The following TNIK variants were observed in gnomAD, a reference collection of about 807,000 sequenced individuals.
TNIK encodes the protein TRAF2 and NCK interacting kinase.
A neutral mutation model predicts 191.3 loss-of-function variants in TNIK; 49 were observed. The ratio of observed to expected loss-of-function variants is 0.26; its 90% CI spans 0.20 to 0.32. TNIK has a LOEUF of 0.32. TNIK is among the 10% of genes least tolerant of loss of function. The pLI is 1.00. For synonymous variants in TNIK, 594 were observed against 600.9 expected (o/e 0.99, Z 0.17); for missense variants, 1,155 against 1,702.3 (o/e 0.68, Z 5.66).
At position 171,247,768 on chromosome 3, in the gene TNIK, G is replaced by A. The variant is rs561142584; in HGVS notation, c.124-19547C>T. ...AAAGGAGGGTATGGTCAGAGCCAGT[G>A]CTACAGAAGACCAAGTGAAATAAAG... On this transcript the variant is annotated intron_variant, in intron 2 of 32. Coordinates refer to ENST00000436636, the MANE Select transcript of TNIK (RefSeq NM_015028.4). 3.9e-5 allele frequency among the ~76,000 whole-genome samples: 6 copies of A among 152,346 alleles called. No homozygotes were observed. The South Asian group carries it at 1.2e-3, about 32-fold the overall frequency.
At position 171,245,083 on chromosome 3, in the gene TNIK, G is replaced by A. The variant is rs952760649; in HGVS notation, c.124-16862C>T. ...AATACAGTATTAAAGCAAATGATTG[G>A]AAAAAAGAAGACTGAATAAAGGATG... On this transcript the variant is annotated intron_variant, in intron 2 of 32. Coordinates refer to ENST00000436636, the MANE Select transcript of TNIK (RefSeq NM_015028.4). Among the ~76,000 whole-genome samples, 3 of 152,016 alleles carry A rather than the reference G, an allele frequency of 2.0e-5. 1 individual carries two copies. In the South Asian group the frequency reaches 6.2e-4, roughly 31 times the overall value.
At chr3:171,328,188 G>A (rs1403961927) in intron 2 of TNIK, among the ~76,000 whole-genome samples, 1 of 151,794 alleles carries the variant, frequency 6.6e-6, no homozygotes, top group African/African-American at 2.4e-5. Flanking sequence ...TCCCAGAGAA[G>A]CCATTACCCT....
chr3:171,236,607 C>T (rs1402428786), intron 2 of TNIK, among the ~76,000 whole-genome samples: 1 of 152,148 alleles, frequency 6.6e-6, no homozygotes, highest in South Asian at 2.1e-4. Flanking sequence ...CCTCTTTTCC[C>T]GAGCTGGTAC....
intron 1 of TNIK, among the ~76,000 whole-genome samples, chr3:171,390,048 A>C (rs1441298026): frequency 6.6e-6 from 1 of 152,184 alleles, no homozygotes; most frequent in Non-Finnish European, 1.5e-5. Flanking sequence ...GGTGGTCCTG[A>C]CTACCAAAGT....
intron 2 of TNIK, among the ~76,000 whole-genome samples, chr3:171,325,099 A>AAAATAAATAAAT (rs375566849): frequency 4.6e-5 from 7 of 151,268 alleles, no homozygotes; most frequent in African/African-American, 1.7e-4. Flanking sequence ...AGACTGTCTC[A>AAAATAAATAAAT]AAATAAATAA....
chr3:171,212,371 C>CA (rs1740941711), intron 3 of TNIK, among the ~76,000 whole-genome samples: 1 of 151,862 alleles, frequency 6.6e-6, no homozygotes, highest in Non-Finnish European at 1.5e-5. Context: ...CAAGTCCCCC[C>CA]ACTGCATCTG....
At chr3:171,283,257 C>T (rs1577346567) in intron 2 of TNIK, among the ~76,000 whole-genome samples, 1 of 151,652 alleles carries the variant, frequency 6.6e-6, no homozygotes, top group Non-Finnish European at 1.5e-5. Context: ...ACATACAGTT[C>T]TCTGAAATGT....
chr3:171,312,470 A>C (rs547028447), intron 2 of TNIK, among the ~76,000 whole-genome samples: 2 of 152,212 alleles, frequency 1.3e-5, no homozygotes, highest in East Asian at 1.9e-4. Flanking sequence ...GTCTCAGATA[A>C]TTGAAGTAAT....
At chr3:171,180,271 C>T (rs537340268) in intron 7 of TNIK, among the ~76,000 whole-genome samples, 2 of 152,178 alleles carry the variant, frequency 1.3e-5, no homozygotes, top group African/African-American at 4.8e-5. Context: ...CCTCACCTCC[C>T]CAAAGCCTGC....
intron 2 of TNIK, among the ~76,000 whole-genome samples, chr3:171,325,260 A>G (rs1755621006): frequency 6.6e-6 from 1 of 152,100 alleles, no homozygotes; most frequent in South Asian, 2.1e-4. Flanking sequence ...TGGAGTGGCA[A>G]TTATAAAGTA....
chr3:171,238,474 C>A (rs995928978), intron 2 of TNIK, among the ~76,000 whole-genome samples: 2 of 151,788 alleles, frequency 1.3e-5, no homozygotes, highest in East Asian at 3.9e-4. Context: ...TGGTTTTCAG[C>A]GGGGCAACTT....
chr3:171,354,715 T>G (rs552842560), intron 2 of TNIK, among the ~76,000 whole-genome samples: 12 of 152,214 alleles, frequency 7.9e-5, no homozygotes, highest in Non-Finnish European at 1.5e-4. Context: ...ATTTAAGTAG[T>G]GATTGGGCTG....
At chr3:171,343,689 A>T (rs535806183) in intron 2 of TNIK, among the ~76,000 whole-genome samples, 1 of 152,148 alleles carries the variant, frequency 6.6e-6, no homozygotes, top group Admixed American at 6.6e-5. Flanking sequence ...TTTATACCAC[A>T]TCTCATATTT....
intron 15 of TNIK, among the ~76,000 whole-genome samples, chr3:171,132,700 C>G (rs1357751809): frequency 6.6e-6 from 1 of 152,158 alleles, no homozygotes; most frequent in East Asian, 1.9e-4. Context: ...TGAATAACAT[C>G]TACTGAGAAT....
In TNIK at chr3:171,432,159, G is replaced by C. The variant is rs1725462655; in HGVS notation, c.57+27848C>G. ...ACACAAATGAAAAGAAAGAATACAAGGAAGCCTAAGATGCAAGAGGAAAGC... is the reference window on the plus strand; with the variant it reads ...ACACAAATGAAAAGAAAGAATACAACGAAGCCTAAGATGCAAGAGGAAAGC... On this transcript the variant is annotated intron_variant, in intron 1 of 32. Coordinates refer to ENST00000436636, the MANE Select transcript of TNIK (RefSeq NM_015028.4). Among the ~76,000 whole-genome samples the C allele has an allele frequency of 2.0e-5, 3 of 152,146 alleles. No homozygotes were observed. The South Asian group carries it at 6.2e-4, about 31-fold the overall frequency.
chr3:171,140,920 CAT>C (rs1337818467), intron 12 of TNIK, among the ~76,000 whole-genome samples: 1 of 152,142 alleles, frequency 6.6e-6, no homozygotes, highest in African/African-American at 2.4e-5. Context: ...ACAAAAATTT[CAT>C]AGATATGTAA....
intron 2 of TNIK, among the ~76,000 whole-genome samples, chr3:171,288,024 T>C (rs948882018): frequency 2.0e-5 from 3 of 150,726 alleles, no homozygotes; most frequent in African/African-American, 7.4e-5. Context: ...TGTAGGGACA[T>C]GGATGAAATT....
chr3:171,137,153 C>T (rs184664851), intron 15 of TNIK, among the ~76,000 whole-genome samples: 132 of 125,016 alleles, frequency 1.1e-3, no homozygotes, highest in African/African-American at 3.9e-3. Context: ...TCCCATAAAC[C>T]ACTATCATTA....
intron 1 of TNIK, among the ~76,000 whole-genome samples, chr3:171,447,966 T>G (rs1264206684): frequency 6.6e-6 from 1 of 152,218 alleles, no homozygotes; most frequent in African/African-American, 2.4e-5. Flanking sequence ...TTAAATTTTT[T>G]AGGCATGATA....
Sources: gnomAD v4.1 joint callset for allele counts (sites outside exome capture counted in the v4.1 genomes callset) on GRCh38, gnomAD v4.1.1 for gene constraint, MANE v1.5 for transcripts, NCBI Gene and HGNC (gene_info 2026-07-23, HGNC 2026-07-21) for gene names.